Variants in SORCS2 observed in about 807,000 individuals in gnomAD.
The protein encoded by SORCS2 is sortilin related VPS10 domain containing receptor 2, also known as VPS10 domain-containing receptor SorCS2.
A neutral mutation model predicts 141.6 loss-of-function variants in SORCS2; 100 were observed. The ratio of observed to expected loss-of-function variants is 0.71; its 90% confidence interval spans 0.60 to 0.83. SORCS2 has a LOEUF of 0.83. Among genes scored for constraint, SORCS2 ranks in the 40% least tolerant of loss-of-function variants. The probability of loss-of-function intolerance (pLI) is 0.00; values close to 1 mark genes in which losing one functional copy is unlikely to be tolerated. For missense variants in SORCS2, 1,646 were observed against 1,560.2 expected (o/e 1.05, Z -0.93); for synonymous variants, 789 against 676.9 (o/e 1.17, Z -2.57).
chr4:7,656,179 A>G (rs1475720756), intron 5 of SORCS2, among the ~76,000 whole-genome samples: 1 of 151,984 alleles, frequency 6.6e-6, no homozygotes, highest in Non-Finnish European at 1.5e-5. Flanking sequence ...TGAAGCTCAG[A>G]CTCATTAACG....
intron 1 of SORCS2, among the ~76,000 whole-genome samples, chr4:7,200,715 T>C (rs1245118398): frequency 6.6e-6 from 1 of 152,176 alleles, no homozygotes; most frequent in African/African-American, 2.4e-5. Flanking sequence ...CCGTGCCTGC[T>C]GTTCACGCTT....
chr4:7,487,446 C>T (rs535362724), intron 2 of SORCS2, among the ~76,000 whole-genome samples: 41 of 152,330 alleles, frequency 2.7e-4, no homozygotes, highest in African/African-American at 9.6e-4. Context: ...GGGCTGCCCT[C>T]AGAATTGTCT....
chr4:7,738,294 G>A (rs546504283), intron 26 of SORCS2, among the ~76,000 whole-genome samples: 15 of 152,388 alleles, frequency 9.8e-5, no homozygotes, highest in African/African-American at 1.9e-4. Flanking sequence ...AAGTGCCGCC[G>A]GCAGCCAGGC....
At chr4:7,694,308 C>T (rs1724456475) in intron 11 of SORCS2, among the ~76,000 whole-genome samples, 1 of 152,086 alleles carries the variant, frequency 6.6e-6, no homozygotes, top group Admixed American at 6.5e-5. Context: ...TCATCACCTC[C>T]CTCCACCCTG....
chr4:7,412,870 C>T (rs1046604757), intron 2 of SORCS2, among the ~76,000 whole-genome samples: 2 of 152,148 alleles, frequency 1.3e-5, no homozygotes, highest in Non-Finnish European at 2.9e-5. Context: ...CCGCCACAGC[C>T]CCCATCCTGT....
chr4:7,524,912 C>T (rs778488128), intron 2 of SORCS2, among the ~76,000 whole-genome samples: 4 of 152,310 alleles, frequency 2.6e-5, no homozygotes, highest in African/African-American at 4.8e-5. Flanking sequence ...CATAGAAAGA[C>T]GAGGGCATCC....
At chr4:7,566,929 C>T (rs1288007334) in intron 3 of SORCS2, among the ~76,000 whole-genome samples, 1 of 151,842 alleles carries the variant, frequency 6.6e-6, no homozygotes, top group Non-Finnish European at 1.5e-5. Flanking sequence ...GTCACATGGC[C>T]TGGCTTACCT....
chr4:7,695,272 GTGGATGGA>G (rs1196852853), intron 11 of SORCS2, among the ~76,000 whole-genome samples: 1 of 121,568 alleles, frequency 8.2e-6, no homozygotes. Flanking sequence ...GGATGGGTGG[GTGGATGGA>G]TGGATGGATG....
intron 1 of SORCS2, among the ~76,000 whole-genome samples, chr4:7,243,075 G>C (rs1006082284): frequency 9.2e-5 from 14 of 152,154 alleles, no homozygotes; most frequent in African/African-American, 3.4e-4. Context: ...GCGCCCTGGT[G>C]AGGTGCTGAC....
At chr4:7,313,054 T>C (rs1156965622) in intron 1 of SORCS2, among the ~76,000 whole-genome samples, 3 of 152,204 alleles carry the variant, frequency 2.0e-5, no homozygotes, top group African/African-American at 7.2e-5. Flanking sequence ...CTAGGACCCC[T>C]GAGAGTCAGC....
At chr4:7,446,006 C>T (rs373547085) in intron 2 of SORCS2, among the ~76,000 whole-genome samples, 1 of 151,590 alleles carries the variant, frequency 6.6e-6, no homozygotes, top group Admixed American at 6.6e-5. Context: ...TTTGTCTTTT[C>T]TTTTTTTTCC....
intron 1 of SORCS2, among the ~76,000 whole-genome samples, chr4:7,217,165 C>A (rs1047756763): frequency 6.6e-6 from 1 of 152,206 alleles, no homozygotes; most frequent in African/African-American, 2.4e-5. Flanking sequence ...GCAGCCTGAC[C>A]AGCCTCATTG....
intron 2 of SORCS2, among the ~76,000 whole-genome samples, chr4:7,473,115 A>G (rs747328888): frequency 4.6e-5 from 7 of 152,222 alleles, no homozygotes; most frequent in Non-Finnish European, 1.0e-4. Context: ...TAAAGCATCA[A>G]AAGAGGGAAT....
At chr4:7,299,066 C>T (rs868057516) in intron 1 of SORCS2, among the ~76,000 whole-genome samples, 10 of 152,276 alleles carry the variant, frequency 6.6e-5, no homozygotes, top group Non-Finnish European at 1.3e-4. Flanking sequence ...CCCCAGCTCC[C>T]CCAGCTGGGC....
chr4:7,381,954 C>G (rs377562443), intron 1 of SORCS2: 1 of 986,090 alleles, frequency 1.0e-6, no homozygotes. Flanking sequence ...ACTAGCCTCT[C>G]TGGGCCAGGC....
chr4:7,386,576 G>A (rs1457850144), intron 1 of SORCS2, among the ~76,000 whole-genome samples: 5 of 82,236 alleles, frequency 6.1e-5, no homozygotes, highest in Non-Finnish European at 1.2e-4. Context: ...GCACACACAT[G>A]CACACACATA....
intron 3 of SORCS2, among the ~76,000 whole-genome samples, chr4:7,598,655 C>T (rs1717445132): frequency 6.6e-6 from 1 of 152,186 alleles, no homozygotes; most frequent in Non-Finnish European, 1.5e-5. Flanking sequence ...TTGTGCTTTT[C>T]TGCCATAGAA....
intron 1 of SORCS2, among the ~76,000 whole-genome samples, chr4:7,214,765 G>A (rs1196890453): frequency 6.6e-6 from 1 of 152,228 alleles, no homozygotes; most frequent in Admixed American, 6.5e-5. Context: ...GCACCTAGCT[G>A]AGGCTGTGGA....
intron 10 of SORCS2, among the ~76,000 whole-genome samples, chr4:7,684,634 A>G (rs13152166): frequency 0.031 from 4,779 of 152,308 alleles, 123 homozygotes; most frequent in Middle Eastern, 0.095. Context: ...TGTGTAAAAT[A>G]GAAAGAACAA....
Sources: gnomAD v4.1 joint callset for allele counts (sites outside exome capture counted in the v4.1 genomes callset) on GRCh38, gnomAD v4.1.1 for gene constraint, MANE v1.5 for transcripts, NCBI Gene and HGNC (gene_info 2026-07-23, HGNC 2026-07-21) for gene names.